Variants in CSMD3 observed in about 807,000 individuals in gnomAD.
CSMD3 encodes the protein CUB and Sushi multiple domains 3.
Under a neutral mutation model 435.2 loss-of-function variants are expected in CSMD3, and 177 were observed. The observed-to-expected ratio is 0.41, with a 90% confidence interval of 0.36 to 0.46. The LOEUF (loss-of-function observed/expected upper bound fraction) is 0.46. CSMD3 is among the 20% of genes least tolerant of loss of function. The probability of loss-of-function intolerance (pLI) is 0.34; values close to 1 mark genes in which losing one functional copy is unlikely to be tolerated. For synonymous variants in CSMD3, 1,656 were observed against 1,520.5 expected (o/e 1.09, Z -2.07); for missense variants, 4,265 against 4,504.6 (o/e 0.95, Z 1.52).
chr8:112,735,071 C>T (rs1176933209), intron 13 of CSMD3, among the ~76,000 whole-genome samples: 1 of 151,908 alleles, frequency 6.6e-6, no homozygotes, highest in Non-Finnish European at 1.5e-5. Context: ...ATTTTAAAAA[C>T]AATATCCAAA....
At chr8:112,376,300 T>C (rs1267886585) in intron 38 of CSMD3, among the ~76,000 whole-genome samples, 2 of 152,252 alleles carry the variant, frequency 1.3e-5, no homozygotes, top group Admixed American at 6.5e-5. Flanking sequence ...GCCTGACATA[T>C]GGTAGGTGTT....
intron 1 of CSMD3, among the ~76,000 whole-genome samples, chr8:113,373,360 C>A (rs1279341109): frequency 6.6e-6 from 1 of 151,764 alleles, no homozygotes; most frequent in Non-Finnish European, 1.5e-5. Context: ...ATTTTATGGA[C>A]ACACACACAC....
chr8:113,347,044 G>A (rs2094156336), intron 1 of CSMD3, among the ~76,000 whole-genome samples: 1 of 152,006 alleles, frequency 6.6e-6, no homozygotes, highest in East Asian at 1.9e-4. Flanking sequence ...ACAAAATCCA[G>A]AAGTGTCTAA....
intron 3 of CSMD3, among the ~76,000 whole-genome samples, chr8:113,182,257 AATGAG>A (rs1264275286): frequency 1.3e-5 from 2 of 152,186 alleles, no homozygotes; most frequent in African/African-American, 2.4e-5. Flanking sequence ...TATTTTATGA[AATGAG>A]ATAAGTAAGT....
chr8:112,981,967 C>T lies in CSMD3; in HGVS notation c.1031-5819G>A, dbSNP rs187122979. On this transcript the variant is annotated intron_variant, in intron 6 of 70. Coordinates refer to ENST00000297405, the MANE Select transcript of CSMD3 (RefSeq NM_198123.2). ...AGGAGAATGGATAGACATCTCATTT[C>T]TTAGTACAAAAAATATAATAAGAGT... Among the ~76,000 whole-genome samples the T allele has an allele frequency of 6.6e-3, 1,003 of 151,774 alleles. 12 individuals are homozygous for T. Among genetic ancestry groups the T allele is most frequent in the African/African-American group, 0.023 (962 of 41,470 alleles).
chr8:112,352,421 G>A lies in CSMD3; in HGVS notation c.6250C>T (p.Leu2084Phe), dbSNP rs201408699. 2 of 1,613,268 alleles carry A rather than the reference G, an allele frequency of 1.2e-6. No individual in the cohort carries two copies. The highest frequency in any genetic ancestry group is 1.7e-6 in the Non-Finnish European group (2 of 1,179,630). ...VSFQCDQGYS[L>F]QGHSHITCMP... ...CAACTTTAAAATAGACTTACCTGAA[G>A]AGAATATCCTTGATCACACTGAAAG... Residue 2084 changes from leucine (L) to phenylalanine (F), a missense_variant, in exon 39 of 71, where the codon CTT (leucine) becomes TTT (phenylalanine). Physicochemically the swap from Leu to Phe is conservative, Grantham distance 22. Around this residue, in one of 3 missense-constraint regions of CSMD3, gnomAD observed 3,255 missense variants for 3,380.2 expected, o/e 0.96. Coordinates refer to ENST00000297405, the MANE Select transcript of CSMD3 (RefSeq NM_198123.2).
intron 1 of CSMD3, among the ~76,000 whole-genome samples, chr8:113,353,199 A>G (rs1418738676): frequency 1.3e-5 from 2 of 152,188 alleles, no homozygotes; most frequent in Non-Finnish European, 2.9e-5. Flanking sequence ...ATAAAATACT[A>G]AAGGACATAG....
intron 3 of CSMD3, among the ~76,000 whole-genome samples, chr8:113,202,496 TC>T (rs768087378): frequency 3.3e-5 from 5 of 152,140 alleles, no homozygotes; most frequent in African/African-American, 9.6e-5. Flanking sequence ...TAGATGATAC[TC>T]CTTTGAAGTA....
intron 4 of CSMD3, among the ~76,000 whole-genome samples, chr8:113,109,880 A>G (rs924835208): frequency 2.0e-5 from 3 of 152,206 alleles, no homozygotes; most frequent in African/African-American, 7.2e-5. Context: ...ATCTAAATGA[A>G]GGCAGCCATG....
At chr8:112,533,218 G>A (rs1363039070) in intron 27 of CSMD3, among the ~76,000 whole-genome samples, 2 of 151,606 alleles carry the variant, frequency 1.3e-5, no homozygotes, top group Non-Finnish European at 2.9e-5. Context: ...AAAAAGAGGA[G>A]TTATAAAATA....
intron 1 of CSMD3, among the ~76,000 whole-genome samples, chr8:113,383,585 A>T (rs1276480718): frequency 6.6e-6 from 1 of 152,180 alleles, no homozygotes. Flanking sequence ...GGAGAGACAC[A>T]ATGAGGTTCA....
chr8:113,092,084 T>G (rs2090024344), intron 5 of CSMD3, among the ~76,000 whole-genome samples: 1 of 152,064 alleles, frequency 6.6e-6, no homozygotes, highest in South Asian at 2.1e-4. Context: ...TAAACAGTCT[T>G]TGTCCTTTTA....
chr8:112,436,571 G>T lies in CSMD3; in HGVS notation c.5396-27539C>A, dbSNP rs554373429. On this transcript the variant is annotated intron_variant, in intron 32 of 70. Transcript: ENST00000297405. ...AGAACAAAATTTGGAGGATAAGCTA[G>T]ATTTTTATGTATATATATGTATACA... 1.9e-3 allele frequency among the ~76,000 whole-genome samples: 285 copies of T among 151,786 alleles called. 1 individual carries two copies. Among genetic ancestry groups the T allele is most frequent in the African/African-American group, 6.6e-3 (274 of 41,488 alleles).
At chr8:112,604,352 G>A (rs1832624012) in intron 22 of CSMD3, among the ~76,000 whole-genome samples, 1 of 151,470 alleles carries the variant, frequency 6.6e-6, no homozygotes, top group African/African-American at 2.4e-5. Context: ...TTCTAATTAT[G>A]TGAAAAATGT....
At chr8:112,279,010 AAAAAAC>A (rs774015830) in intron 59 of CSMD3, among the ~76,000 whole-genome samples, 73 of 133,058 alleles carry the variant, frequency 5.5e-4, no homozygotes, top group South Asian at 4.4e-3. Flanking sequence ...CTCCACCCCC[AAAAAAC>A]AACAACAACA....
chr8:112,595,358 G>C, intron 22 of CSMD3, among the ~76,000 whole-genome samples: 1 of 142,154 alleles, frequency 7.0e-6, no homozygotes, highest in African/African-American at 2.6e-5. Flanking sequence ...AGAAATATGG[G>C]ACTATGTGAA....
intron 31 of CSMD3, among the ~76,000 whole-genome samples, chr8:112,488,911 T>A (rs181868368): frequency 6.6e-6 from 1 of 152,126 alleles, no homozygotes; most frequent in Non-Finnish European, 1.5e-5. Flanking sequence ...ATCAGAATCT[T>A]CAGCTTCTGA....
At position 112,311,033 on chromosome 8, in the gene CSMD3, G is replaced by A. The variant is rs2130813326; in HGVS notation, c.7830C>T (p.Cys2610=). The change falls in exon 50 of 71, where the codon TGC becomes TGT. Residue 2610 remains cysteine (C), a synonymous_variant. Transcript: ENST00000297405. ...CATGATACCCATAGGAAGACTTTCT[G>A]CACACAGCACTGCTTTTTCCAACAA... ...FRLVGKSSAV[C]RKSSYGYHAW... 1 of 1,614,086 alleles carries A rather than the reference G, an allele frequency of 6.2e-7. No individual in the cohort carries two copies. The highest frequency in any genetic ancestry group is 8.5e-7 in the Non-Finnish European group (1 of 1,179,994).
chr8:112,623,443 T>C (rs1013996675), intron 22 of CSMD3, among the ~76,000 whole-genome samples: 1 of 152,134 alleles, frequency 6.6e-6, no homozygotes, highest in Admixed American at 6.6e-5. Flanking sequence ...TCTCACATCA[T>C]AGTGTCATAC....
Sources: gnomAD v4.1 joint callset for allele counts (sites outside exome capture counted in the v4.1 genomes callset) on GRCh38, gnomAD v4.1.1 for gene constraint, gnomAD v4.1.1 regional missense constraint, MANE v1.5 for transcripts, NCBI Gene and HGNC (gene_info 2026-07-23, HGNC 2026-07-21) for gene names.